The following BANP variants were observed in gnomAD, a reference collection of about 807,000 sequenced individuals.
BANP encodes the protein protein BANP.
In BANP, 11 loss-of-function variants were observed where a neutral mutation model predicts 68.1. The ratio of observed to expected loss-of-function variants is 0.16; its 90% CI spans 0.10 to 0.27. BANP has a LOEUF of 0.27. BANP is among the 10% of genes least tolerant of loss of function. BANP has a pLI of 1.00. For missense variants in BANP, 504 were observed against 722.7 expected (o/e 0.70, Z 3.47); for synonymous variants, 329 against 303.2 (o/e 1.09, Z -0.88).
rs547739215 is a variant in BANP at position 88,036,234 on chromosome 16, C to A, written c.1272+840C>A. Among the ~76,000 whole-genome samples, 2 of 152,200 alleles carry A rather than the reference C, an allele frequency of 1.3e-5. No individual in the cohort carries two copies. Among genetic ancestry groups the A allele is most frequent in the South Asian group, 4.1e-4 (2 of 4,834 alleles). On this transcript the variant is annotated intron_variant, in intron 10 of 13. Coordinates refer to ENST00000682872, the MANE Select transcript of BANP (RefSeq NM_001386991.1). The surrounding 1 kb of genome is among the most constrained non-coding windows in gnomAD (Gnocchi z 4.2). Reference sequence around the variant, plus strand: ...CTGTTTCTAGGTCGTGACAATGGCACCAGCTTTGTGTTTGGTGCATAGTAG... The same window carrying A: ...CTGTTTCTAGGTCGTGACAATGGCAACAGCTTTGTGTTTGGTGCATAGTAG...
intron 3 of BANP, 100 bp from the exon 4 acceptor site, chr16:87,983,956 AATAG>A: frequency 2.8e-6 from 4 of 1,423,378 alleles, no homozygotes; most frequent in Admixed American, 2.4e-5. Context: ...GTTCTGTCTG[AATAG>A]ATAGAGTTGA....
Position 88,006,119 on chromosome 16 carries a change from T to C in BANP, c.509T>C (p.Ile170Thr), listed in dbSNP as rs139021637. The C allele has an allele frequency of 3.1e-6, 5 of 1,613,920 alleles. No individual in the cohort carries two copies. The highest frequency in any genetic ancestry group is 4.2e-6 in the Non-Finnish European group (5 of 1,179,912). ...NAVPGRRQNT[I>T]VVKVPGQEDS... The stretch of plus-strand genomic sequence containing the variant: ...GTGCCTGGGCGTCGGCAGAACACCA[T>C]TGTGGTGAAGGTGCCGGGCCAAGAA... Residue 170 changes from isoleucine to threonine, a missense_variant, in exon 6 of 14, where the codon ATT (isoleucine) becomes ACT (threonine). Ile to Thr is a moderately conservative substitution (Grantham distance 89). This residue lies in a region of BANP where 238 missense variants were observed against 278.9 expected (regional missense o/e 0.85). Transcript: ENST00000682872.
rs1193423914 is a variant in BANP at position 88,004,583 on chromosome 16, G to A, written c.479+172G>A. Among the ~76,000 whole-genome samples the A allele has an allele frequency of 6.6e-6, 1 of 152,202 alleles. No homozygotes were observed. Among genetic ancestry groups the A allele is most frequent in the African/African-American group, 2.4e-5 (1 of 41,462 alleles). ...TCTCTGAGGTCGGGGAGGGCAGGCT[G>A]GGCGATGCTGAATGCTGAGTCCAGC... On this transcript the variant is annotated intron_variant, in intron 5 of 13. Coordinates refer to ENST00000682872, the MANE Select transcript of BANP (RefSeq NM_001386991.1). The surrounding 1 kb of genome is among the most constrained non-coding windows in gnomAD (Gnocchi z 7.0).
At chr16:88,053,793 C>T (rs569171386) in intron 11 of BANP, among the ~76,000 whole-genome samples, 6 of 150,542 alleles carry the variant, frequency 4.0e-5, no homozygotes, top group Admixed American at 6.6e-5. Context: ...CAACCACTAC[C>T]ACCACCACCT....
rs66648819 is a variant in BANP, at chr16:87,987,712, C to CAAAAAAAAAAAAAAAAAAAA, written c.362+3461_362+3480dup. On this transcript the variant is annotated intron_variant, in intron 4 of 13. Transcript: ENST00000682872. ...CTCCAGGCTGAGCGAGACCCTAACT[C>CAAAAAAAAAAAAAAAAAAAA]AAAAAAAAAAAAAAAAAAAAAAAAA... Among the ~76,000 whole-genome samples, 34 of 30,370 alleles carry CAAAAAAAAAAAAAAAAAAAA rather than the reference C, an allele frequency of 1.1e-3. 9 individuals carry two copies. The highest frequency in any genetic ancestry group is 1.6e-3 in the Non-Finnish European group (27 of 17,218). 19.9% of individuals were successfully genotyped at this position (30,370 alleles called of 152,430 possible).
intron 4 of BANP, among the ~76,000 whole-genome samples, chr16:87,999,149 T>C (rs1273627962): frequency 7.0e-6 from 1 of 142,002 alleles, no homozygotes; most frequent in African/African-American, 2.6e-5. Flanking sequence ...TGCATGGCTG[T>C]ACTTACCTGT....
rs1484955467 is a variant in BANP, at chr16:88,057,657, G to C, written c.1312-7610G>C. Among the ~76,000 whole-genome samples, 1 of 151,786 alleles carries C rather than the reference G, an allele frequency of 6.6e-6. No individual in the cohort carries two copies. Among genetic ancestry groups the C allele is most frequent in the East Asian group, 1.9e-4 (1 of 5,178 alleles). ...CACCCTTCATGTTGGCAATGTTTGG[G>C]TCCTGGTTCTTACATCCCAGAAGGG... On this transcript the variant is annotated intron_variant, in intron 11 of 13. Coordinates refer to ENST00000682872, the MANE Select transcript of BANP (RefSeq NM_001386991.1). This position sits in a 1 kb window ranked among gnomAD's most constrained non-coding sequence, Gnocchi z 4.6.
rs1264586764 is a variant in BANP at position 88,036,530 on chromosome 16, C to T, written c.1272+1136C>T. Among the ~76,000 whole-genome samples, 7 of 151,982 alleles carry T rather than the reference C, an allele frequency of 4.6e-5. No homozygotes were observed. The highest frequency in any genetic ancestry group is 9.7e-5 in the African/African-American group (4 of 41,346). ...GCACGTGGAGCACCAGGGACTCGGG[C>T]GTGTCTGCTGGCAGTGGCTTTAATT... On this transcript the variant is annotated intron_variant, in intron 10 of 13. Coordinates refer to ENST00000682872, the MANE Select transcript of BANP (RefSeq NM_001386991.1). The surrounding 1 kb of genome is among the most constrained non-coding windows in gnomAD (Gnocchi z 4.2).
intron 8 of BANP, among the ~76,000 whole-genome samples, chr16:88,032,045 C>G (rs1264785973): frequency 6.6e-6 from 1 of 152,112 alleles, no homozygotes; most frequent in Non-Finnish European, 1.5e-5. Flanking sequence ...CTGAAGTGAT[C>G]TTGCCCGCCT....
chr16:88,029,027 C>A (rs1373342140), intron 8 of BANP, among the ~76,000 whole-genome samples: 2 of 152,186 alleles, frequency 1.3e-5, no homozygotes, highest in Non-Finnish European at 2.9e-5. Context: ...GTCAGGGAGC[C>A]CAGGCGTGGT....
chr16:88,028,797 A>G (rs11861070), intron 8 of BANP, among the ~76,000 whole-genome samples: 8,857 of 152,312 alleles, frequency 0.058, 335 homozygotes, highest in African/African-American at 0.1. Context: ...TAGGCAGCAG[A>G]GAGCGATGTG....
In BANP at chr16:87,979,459, G is replaced by T. The variant is rs139193220; in HGVS notation, c.71-1577G>T. Among the ~76,000 whole-genome samples the T allele has an allele frequency of 3.5e-3, 525 of 151,360 alleles. 9 individuals carry two copies. Among genetic ancestry groups the T allele is most frequent in the Admixed American group, 0.032 (478 of 15,166 alleles). ...GAGGCCCTTCCAGGAACGGCTTCCC[G>T]AACTAGGCGGCATTTGAGTGGGGCT... On this transcript the variant is annotated intron_variant, in intron 2 of 13. Transcript: ENST00000682872.
At chr16:87,999,188 G>A (rs77962472) in intron 4 of BANP, among the ~76,000 whole-genome samples, 5 of 127,746 alleles carry the variant, frequency 3.9e-5, no homozygotes, top group Non-Finnish European at 4.9e-5. Flanking sequence ...ATGCCCGCAC[G>A]TGCGCGGCTG....
intron 8 of BANP, among the ~76,000 whole-genome samples, chr16:88,032,096 C>T (rs1355888781): frequency 2.0e-5 from 3 of 151,322 alleles, no homozygotes; most frequent in East Asian, 2.0e-4. Context: ...TGAGCCACCG[C>T]GCCTGGCCCG....
chr16:88,001,583 C>T (rs190334254), intron 4 of BANP, among the ~76,000 whole-genome samples: 8 of 152,274 alleles, frequency 5.3e-5, no homozygotes, highest in East Asian at 3.9e-4. Flanking sequence ...TAGTTGAAAG[C>T]GTGTAGTTTC....
rs1261563502 is a variant in BANP at position 88,064,048 on chromosome 16, C to G, written c.1312-1219C>G. Among the ~76,000 whole-genome samples, 1 of 152,176 alleles carries G rather than the reference C, an allele frequency of 6.6e-6. No individual in the cohort carries two copies. Among genetic ancestry groups the G allele is most frequent in the Non-Finnish European group, 1.5e-5 (1 of 68,032 alleles). The stretch of plus-strand genomic sequence containing the variant: ...GAGGTACCGGGGCTTTTGTGGGGAA[C>G]AAAGGCACAGACATTGTTGCTGCCT... On this transcript the variant is annotated intron_variant, in intron 11 of 13. Transcript: ENST00000682872. The surrounding 1 kb of genome is among the most constrained non-coding windows in gnomAD (Gnocchi z 4.5).
intron 1 of BANP, among the ~76,000 whole-genome samples, chr16:87,966,244 A>G (rs1298490491): frequency 6.6e-6 from 1 of 151,484 alleles, no homozygotes; most frequent in Non-Finnish European, 1.5e-5. Context: ...TCAGGGTGTT[A>G]CTCTGGGCTG....
chr16:87,975,264 T>C (rs2061804495), intron 2 of BANP, 79 bp downstream of exon 2: 2 of 1,444,428 alleles, frequency 1.4e-6, no homozygotes, highest in Non-Finnish European at 1.9e-6. Flanking sequence ...GTTATTTTCT[T>C]TCCTTTAAGC....
chr16:88,037,830 C>A, intron 10 of BANP, 143 bp from the exon 11 acceptor site: 1 of 731,036 alleles, frequency 1.4e-6, no homozygotes, highest in South Asian at 1.6e-5. Flanking sequence ...GCTTTTGTTG[C>A]TACTGGAGGT....
Sources: gnomAD v4.1 joint callset for allele counts (sites outside exome capture counted in the v4.1 genomes callset) on GRCh38, gnomAD v4.1.1 for gene constraint, gnomAD v4.1.1 regional missense constraint, Gnocchi (gnomAD v3.1) non-coding constraint, MANE v1.5 for transcripts, NCBI Gene and HGNC (gene_info 2026-07-23, HGNC 2026-07-21) for gene names.